TRMT44: variants seen among roughly 807,000 people sequenced by gnomAD.
The protein encoded by TRMT44 is tRNA methyltransferase 44 homolog.
TRMT44 carries 78 observed loss-of-function variants against 77.3 expected under a neutral mutation model. That is an observed-to-expected ratio of 1.01 (90% CI 0.84 to 1.22). TRMT44 has a LOEUF of 1.22. Among genes scored for constraint, TRMT44 ranks in the 50% most tolerant of loss-of-function variants. The pLI, the probability that TRMT44 is intolerant of heterozygous loss-of-function variation, is 0.00. For synonymous variants in TRMT44, 391 were observed against 383.3 expected (o/e 1.02, Z -0.23); for missense variants, 1,090 against 964.4 (o/e 1.13, Z -1.73).
downstream of TRMT44, chr4:8,476,776 A>G (rs1727413701): frequency 6.6e-6 from 1 of 152,214 alleles, no homozygotes; most frequent in South Asian, 2.1e-4. Context: ...TAGGGTCTTG[A>G]TCTCTCGCCC....
At chr4:8,469,962 C>T (rs1726869866) in intron 9 of TRMT44, among the ~76,000 whole-genome samples, 1 of 152,242 alleles carries the variant, frequency 6.6e-6, no homozygotes, top group South Asian at 2.1e-4. Context: ...GGAAAGGGCC[C>T]TGCCCTCAAG....
At chr4:8,457,451 C>T (rs1579056214) in intron 6 of TRMT44, among the ~76,000 whole-genome samples, 1 of 152,174 alleles carries the variant, frequency 6.6e-6, no homozygotes, top group Admixed American at 6.5e-5. Flanking sequence ...CCACCCAGAA[C>T]CTCTTGAGTT....
intron 2 of TRMT44, among the ~76,000 whole-genome samples, chr4:8,484,751 T>G (rs1727749890): frequency 6.6e-6 from 1 of 152,040 alleles, no homozygotes. Flanking sequence ...TTTTGTGAGT[T>G]TATATAATGG....
downstream of TRMT44, chr4:8,476,684 C>T (rs552684697): frequency 2.6e-5 from 4 of 152,356 alleles, no homozygotes; most frequent in Non-Finnish European, 5.9e-5. Context: ...AGACCCTCTC[C>T]CCAGAAATAC....
chr4:8,453,077 G>C, intron 5 of TRMT44, 88 bp downstream of exon 5: 1 of 722,920 alleles, frequency 1.4e-6, no homozygotes, highest in Non-Finnish European at 2.1e-6. Context: ...TTTTTCTGCT[G>C]ATACAGCCTG....
At chr4:8,447,467 T>C (rs1022883162) in intron 2 of TRMT44, among the ~76,000 whole-genome samples, 10 of 152,336 alleles carry the variant, frequency 6.6e-5, no homozygotes, top group African/African-American at 2.4e-4. Flanking sequence ...TCTGAGTAAC[T>C]GGAATGAGTT....
At position 8,465,284 on chromosome 4, in the gene TRMT44, C is replaced by T. The variant is rs1034041001; in HGVS notation, c.1311-94C>T. 4.0e-6 allele frequency: 5 copies of T among 1,243,146 alleles called. No individual in the cohort carries two copies. The African/African-American group carries it at 6.0e-5, about 15-fold the overall frequency. 77.0% of individuals were successfully genotyped at this position (1,243,146 alleles called of 1,614,324 possible). A position where few individuals can be genotyped will look rare whatever the true frequency, so the allele number is the denominator to read the frequency against. On this transcript the variant is annotated intron_variant, in intron 7 of 10. Coordinates refer to ENST00000389737, the MANE Select transcript of TRMT44 (RefSeq NM_152544.3). ...CAGGAACATCACTTCCCTATTTTGC[C>T]CTGATATGCGATTGCCGTGTGGCTT...
the TRMT44 span, among the ~76,000 whole-genome samples, chr4:8,504,453 G>C: frequency 3.3e-5 from 5 of 152,064 alleles, no homozygotes; most frequent in African/African-American, 1.2e-4. This position sits in a 1 kb window ranked among gnomAD's most constrained non-coding sequence, Gnocchi z 5.3. Context: ...AGCAGCTCCT[G>C]CCCCGCCCCA....
At chr4:8,498,136 G>GT (rs1455719762), downstream of TRMT44, among the ~76,000 whole-genome samples, 3 of 151,982 alleles carry the variant, frequency 2.0e-5, no homozygotes, top group African/African-American at 7.3e-5. This position sits in a 1 kb window ranked among gnomAD's most constrained non-coding sequence, Gnocchi z 4.3. Context: ...CCCCTTCTCC[G>GT]GGGTTTTCTC....
At chr4:8,487,029 A>C (rs1479059060) in intron 2 of TRMT44, among the ~76,000 whole-genome samples, 1 of 152,180 alleles carries the variant, frequency 6.6e-6, no homozygotes, top group African/African-American at 2.4e-5. Flanking sequence ...GACGAGTTGC[A>C]CTGGGCACAG....
rs77163651 is a variant in TRMT44 at position 8,466,129 on chromosome 4, C to T, written c.1494+568C>T. Among the ~76,000 whole-genome samples the T allele has an allele frequency of 9.9e-5, 15 of 152,156 alleles. 1 individual carries two copies. In the South Asian group the frequency reaches 1.9e-3, roughly 19 times the overall value. On this transcript the variant is annotated intron_variant, in intron 8 of 10. Coordinates refer to ENST00000389737, the MANE Select transcript of TRMT44 (RefSeq NM_152544.3). Reference sequence around the variant, plus strand: ...CAAAGGCTTGACCTTTTGAAAGTACCGTGGAAGTGTTTACAGCAGCTCACC... The same window carrying T: ...CAAAGGCTTGACCTTTTGAAAGTACTGTGGAAGTGTTTACAGCAGCTCACC...
intron 8 of TRMT44, among the ~76,000 whole-genome samples, 180 bp from the exon 9 acceptor site, chr4:8,467,732 CAA>C (rs1408562812): frequency 2.6e-5 from 4 of 152,192 alleles, no homozygotes. Flanking sequence ...CTTGGGCTCC[CAA>C]AATGCTAGGA....
At chr4:8,487,867 G>T (rs1188641762) in intron 2 of TRMT44, among the ~76,000 whole-genome samples, 1 of 152,186 alleles carries the variant, frequency 6.6e-6, no homozygotes, top group Non-Finnish European at 1.5e-5. Flanking sequence ...TGAAACCTGG[G>T]TGAATAGTCA....
At chr4:8,507,516 T>A in the TRMT44 span, 1 of 153,430 alleles carries the variant, frequency 6.5e-6, no homozygotes, top group Non-Finnish European at 1.5e-5. Context: ...CTGTGGGTTC[T>A]GGGACCATCC....
At chr4:8,449,100 C>T (rs984705480) in intron 2 of TRMT44, among the ~76,000 whole-genome samples, 1 of 152,210 alleles carries the variant, frequency 6.6e-6, no homozygotes, top group Non-Finnish European at 1.5e-5. Flanking sequence ...CATCCATGAA[C>T]AGTGCCTGCT....
downstream of TRMT44, among the ~76,000 whole-genome samples, chr4:8,496,112 A>C (rs1415262408): frequency 6.6e-6 from 1 of 152,220 alleles, no homozygotes; most frequent in South Asian, 2.1e-4. Flanking sequence ...CATAGAGTGA[A>C]CCAATGGGAA....
chr4:8,459,112 G>T (rs530842328), intron 6 of TRMT44, among the ~76,000 whole-genome samples: 28 of 152,296 alleles, frequency 1.8e-4, no homozygotes, highest in Admixed American at 3.9e-4. Flanking sequence ...TGAGGTTGGG[G>T]GATCACCTGA....
At chr4:8,501,266 G>T in the TRMT44 span, among the ~76,000 whole-genome samples, 9 of 152,168 alleles carry the variant, frequency 5.9e-5, no homozygotes, top group Non-Finnish European at 1.3e-4. The surrounding 1 kb of genome is among the most constrained non-coding windows in gnomAD (Gnocchi z 4.4). Flanking sequence ...GGGGACCCCT[G>T]GTCCATCGGG....
chr4:8,450,797 T>G (rs946649652), intron 3 of TRMT44, among the ~76,000 whole-genome samples: 8 of 145,798 alleles, frequency 5.5e-5, no homozygotes, highest in Non-Finnish European at 1.2e-4. Context: ...TCCATGTTTT[T>G]TTTTTTTTTT....
Sources: allele counts gnomAD v4.1 joint callset (sites outside exome capture counted in the v4.1 genomes callset), GRCh38; gene constraint gnomAD v4.1.1; non-coding constraint Gnocchi (gnomAD v3.1); transcripts MANE v1.5; gene names NCBI Gene and HGNC (gene_info 2026-07-23, HGNC 2026-07-21).